Variants in MYO15A observed in about 807,000 individuals in gnomAD.
MYO15A encodes myosin XVA, also known as unconventional myosin-XV.
In MYO15A, 308 loss-of-function variants were observed where a neutral mutation model predicts 394.6. That is an observed-to-expected ratio of 0.78 (90% confidence interval 0.71 to 0.86). MYO15A has a LOEUF of 0.86. Ranked by LOEUF, MYO15A falls within the 40% of genes least tolerant of loss-of-function variation. MYO15A has a pLI of 0.00. For synonymous variants in MYO15A, 1,957 were observed against 2,003.8 expected, an observed-to-expected ratio of 0.98 and a Z score of 0.62; for missense variants, 4,606 against 4,799.1, an observed-to-expected ratio of 0.96 and a Z score of 1.19.
Position 18,143,720 on chromosome 17 carries a change from G to C in MYO15A, c.5970G>C (p.Leu1990=), listed in dbSNP as rs1385856144. ...CCCATGCACTGTCCCTCTAGGAGCT[G>C]AGCAAGCGGGAGGTAGTCGCTGTGG... ...EGALLWEQEE[L]SKREVVAVGH... Residue 1990 remains leucine (L), a synonymous_variant, in exon 27 of 66, where the codon CTG becomes CTC. Transcript: ENST00000647165. 2.5e-6 allele frequency: 4 copies of C among 1,595,972 alleles called. No individual in the cohort carries two copies. The highest frequency in any genetic ancestry group is 3.4e-6 in the Non-Finnish European group (4 of 1,171,962).
intron 1 of MYO15A, among the ~76,000 whole-genome samples, chr17:18,111,605 G>A (rs1488655745): frequency 6.6e-6 from 1 of 152,254 alleles, no homozygotes; most frequent in Non-Finnish European, 1.5e-5. Context: ...GAACCTACCA[G>A]AGAAGGGGCA....
intron 44 of MYO15A, 133 bp downstream of exon 44, chr17:18,154,323 G>C (rs2046637193): frequency 9.5e-7 from 1 of 1,052,334 alleles, no homozygotes; most frequent in Non-Finnish European, 1.4e-6. Context: ...ATGGGCAGCT[G>C]TTTTATTGAA....
In MYO15A at chr17:18,139,027, A is replaced by T. The variant is rs879175802; in HGVS notation, c.5133+91A>T. On this transcript the variant is annotated intron_variant, in intron 18 of 65. Coordinates refer to ENST00000647165, the MANE Select transcript of MYO15A (RefSeq NM_016239.4). ...AGCACAACACTGGCCCCAGACATTC[A>T]CAGCCAGGTCCAATTCTGGCTCTGC... 43 of 1,536,216 alleles carry T rather than the reference A, an allele frequency of 2.8e-5. 1 individual carries two copies. The South Asian group carries it at 4.6e-4, about 17-fold the overall frequency.
Position 18,151,246 on chromosome 17 carries a change from T to A in MYO15A, c.7610T>A (p.Val2537Glu). Residue 2537 changes from valine (V) to glutamate (E), a missense_variant, in exon 39 of 66, where the codon GTG (valine) becomes GAG (glutamate). By Grantham distance (121) the Val-to-Glu change is moderately radical. This residue lies in a region of MYO15A where 2,776 missense variants were observed against 3,109.3 expected (regional missense o/e 0.89). Coordinates refer to ENST00000647165, the MANE Select transcript of MYO15A (RefSeq NM_016239.4). Reference protein sequence around the residue: ...AKAPRLPIKPVAAPVLAQDQA... With the variant: ...AKAPRLPIKPEAAPVLAQDQA... ...GCTCCAAGGCTCCCCATCAAGCCTG[T>A]GGCTGCCCCTGTTCTAGCTCAGGAT... 6.2e-7 allele frequency: 1 copy of A among 1,614,140 alleles called. No homozygotes were observed. The highest frequency in any genetic ancestry group is 1.1e-5 in the South Asian group (1 of 91,074).
chr17:18,127,221 C>A, intron 7 of MYO15A, 56 bp downstream of exon 7: 1 of 1,585,434 alleles, frequency 6.3e-7, no homozygotes, highest in Non-Finnish European at 8.6e-7. Flanking sequence ...ATAAGCACAC[C>A]TCATGTACTC....
intron 8 of MYO15A, 40 bp downstream of exon 8, chr17:18,130,850 G>GTGTGTGTT: frequency 6.4e-7 from 1 of 1,553,028 alleles, no homozygotes. Context: ...GTGTGTGTGT[G>GTGTGTGTT]TGTGTGTGTG....
intron 7 of MYO15A, 94 bp from the exon 8 acceptor site, chr17:18,130,711 C>T: frequency 6.2e-7 from 1 of 1,605,238 alleles, no homozygotes; most frequent in Non-Finnish European, 8.5e-7. Context: ...GTCTGAGGCT[C>T]CTAGTCTCCT....
chr17:18,145,780 A>C (rs2046467061), intron 29 of MYO15A, 92 bp from the exon 30 acceptor site: 3 of 1,078,682 alleles, frequency 2.8e-6, no homozygotes, highest in Admixed American at 1.9e-5. Context: ...AGGGGCACAC[A>C]TGGGAGGGAC....
Position 18,118,815 on chromosome 17 carries a change from A to G in MYO15A, c.15A>G (p.Glu5=). MAKE[E]DEEKKAKKGK... ...AGGCAGCCACCATGGCGAAGGAGGA[A>G]GATGAGGAGAAGAAAGCCAAGAAAG... Residue 5 remains glutamate (E), a synonymous_variant, in exon 2 of 66, where the codon GAA becomes GAG. Transcript: ENST00000647165. 1.2e-6 allele frequency: 2 copies of G among 1,609,158 alleles called. No homozygotes were observed. Among genetic ancestry groups the G allele is most frequent in the Non-Finnish European group, 1.7e-6 (2 of 1,177,814 alleles).
chr17:18,159,546 C>T (rs2046743416), intron 54 of MYO15A, 60 bp from the exon 55 acceptor site: 5 of 1,563,354 alleles, frequency 3.2e-6, no homozygotes, highest in Non-Finnish European at 4.4e-6. Flanking sequence ...CTGGGGCTTC[C>T]TGGGGTGGGT....
In MYO15A at chr17:18,121,731, G is replaced by C; in HGVS notation, c.2931G>C (p.Gln977His). Residue 977 changes from glutamine to histidine, a missense_variant, in exon 2 of 66, where the codon CAG becomes CAC. Gln to His is a conservative substitution (Grantham distance 24). Coordinates refer to ENST00000647165, the MANE Select transcript of MYO15A (RefSeq NM_016239.4). This position sits in a 1 kb window ranked among gnomAD's most constrained non-coding sequence, Gnocchi z 5.3. Reference sequence around the variant, plus strand: ...GCCCTGTGCCATCCCCCACCCTCCAGCCTGAGGATCCAGCTGCTGATATGA... The same window carrying C: ...GCCCTGTGCCATCCCCCACCCTCCACCCTGAGGATCCAGCTGCTGATATGA... ...LLGPVPSPTL[Q>H]PEDPAADMTR... 4 of 1,600,178 alleles carry C rather than the reference G, an allele frequency of 2.5e-6. No individual in the cohort carries two copies. In the African/African-American group the frequency reaches 5.4e-5, roughly 22 times the overall value.
At chr17:18,159,508 G>GC (rs2046742871) in intron 54 of MYO15A, 98 bp from the exon 55 acceptor site, 1 of 1,505,960 alleles carries the variant, frequency 6.6e-7, no homozygotes, top group East Asian at 2.3e-5. Flanking sequence ...GCTGCCTGTG[G>GC]CCAAGGCTCC....
At chr17:18,127,834 G>GAT (rs55650584) in intron 7 of MYO15A, among the ~76,000 whole-genome samples, 9,101 of 130,746 alleles carry the variant, frequency 0.07, 757 homozygotes, top group East Asian at 0.41. Flanking sequence ...GAAAAAAAAA[G>GAT]ATATATATAT....
At position 18,139,597 on chromosome 17, in the gene MYO15A, C is replaced by T. The variant is rs369755064; in HGVS notation, c.5197C>T (p.Arg1733Trp). The T allele has an allele frequency of 3.8e-5, 62 of 1,613,890 alleles. No individual in the cohort carries two copies. Among genetic ancestry groups the T allele is most frequent in the Middle Eastern group, 1.6e-4 (1 of 6,084 alleles). The change falls in exon 19 of 66, where the codon CGG becomes TGG. Residue 1733 changes from arginine (R) to tryptophan (W), a missense_variant. Arg to Trp is a moderately radical substitution (Grantham distance 101). Transcript: ENST00000647165. ...CCAGGATGTGCTGGACCTGTTCGTA[C>T]GGAGCCGGACACGGGTAAGCCTCGC... ...VRQDVLDLFV[R>W]SRTRVVAHLF...
chr17:18,171,880 G>C, intron 63 of MYO15A, 109 bp downstream of exon 63: 2 of 1,482,336 alleles, frequency 1.3e-6, no homozygotes, highest in Non-Finnish European at 1.8e-6. Context: ...GCATTTTTCA[G>C]TGCCAGTCAA....
chr17:18,172,136 C>T (rs1400480864), intron 63 of MYO15A, 21 bp from the exon 64 acceptor site: 5 of 1,613,944 alleles, frequency 3.1e-6, no homozygotes, highest in Non-Finnish European at 4.2e-6. Flanking sequence ...CACGTAACTG[C>T]CACCCCCTCT....
Position 18,120,829 on chromosome 17 carries a change from G to A in MYO15A, c.2029G>A (p.Ala677Thr). ...GCCCCCAAGCTCCGGGCCCCCGCCC[G>A]CGCCGCCGCTCTCCCCGGCGCTCTC... is the stretch of plus-strand genomic sequence containing the variant. ...PRPPSSGPPPAPPLSPALSGL... is the reference protein window; with the variant it reads ...PRPPSSGPPPTPPLSPALSGL... The change falls in exon 2 of 66, where the codon GCG becomes ACG. Residue 677 changes from alanine (A) to threonine (T), a missense_variant. Ala to Thr is a moderately conservative substitution (Grantham distance 58, BLOSUM62 0). Coordinates refer to ENST00000647165, the MANE Select transcript of MYO15A (RefSeq NM_016239.4). 8.5e-7 allele frequency: 1 copy of A among 1,173,130 alleles called. No individual in the cohort carries two copies. The highest frequency in any genetic ancestry group is 1.1e-6 in the Non-Finnish European group (1 of 950,402). The allele number at this position is 1,173,130 out of a possible 1,614,324, so 72.7% of individuals were successfully genotyped here. A position where few individuals can be genotyped will look rare whatever the true frequency, so the allele number is the denominator to read the frequency against.
At chr17:18,176,350 A>C (rs1362745518) in intron 65 of MYO15A, among the ~76,000 whole-genome samples, 1 of 151,922 alleles carries the variant, frequency 6.6e-6, no homozygotes, top group Non-Finnish European at 1.5e-5. Flanking sequence ...ATCACGTGGC[A>C]AGAGAGGGAA....
chr17:18,113,727 G>C (rs2045749637), intron 1 of MYO15A, among the ~76,000 whole-genome samples: 2 of 149,098 alleles, frequency 1.3e-5, no homozygotes, highest in Admixed American at 6.7e-5. Context: ...GGTTGACGGA[G>C]TGAGACTGTC....
Sources: allele counts gnomAD v4.1 joint callset (sites outside exome capture counted in the v4.1 genomes callset), GRCh38; gene constraint gnomAD v4.1.1; regional missense constraint gnomAD v4.1.1; non-coding constraint Gnocchi (gnomAD v3.1); transcripts MANE v1.5; gene names NCBI Gene and HGNC (gene_info 2026-07-23, HGNC 2026-07-21).